The following NRXN1 variants were observed in gnomAD, a reference collection of about 807,000 sequenced individuals.
NRXN1 encodes neurexin 1, also known as neurexin-1.
A neutral mutation model predicts 150.9 loss-of-function variants in NRXN1; 39 were observed. The ratio of observed to expected loss-of-function variants is 0.26; its 90% CI spans 0.20 to 0.34. NRXN1 has a LOEUF of 0.34. NRXN1 is among the 10% of genes least tolerant of loss of function. NRXN1 has a pLI of 1.00. For synonymous variants in NRXN1, 924 were observed against 757.0 expected, an observed-to-expected ratio of 1.22 and a Z score of -3.62; for missense variants, 1,815 against 1,949.9, an observed-to-expected ratio of 0.93 and a Z score of 1.30.
In NRXN1 at chr2:50,620,118, C is replaced by T. The variant is rs1272454602; in HGVS notation, c.1224G>A (p.Leu408=). ...CAACATAGAAAAAGTCATCAGACCC[C>T]AGCATGGTATAATCTTCTTGCGTGT... is the stretch of plus-strand genomic sequence containing the variant. ...TGYTQEDYTM[L]GSDDFFYVGG... Residue 408 remains leucine (L), a synonymous_variant, in exon 8 of 23, where the codon CTG becomes CTA. Coordinates refer to ENST00000401669, the MANE Select transcript of NRXN1 (RefSeq NM_001330078.2). The T allele has an allele frequency of 1.2e-6, 2 of 1,613,482 alleles. No homozygotes were observed. Among genetic ancestry groups the T allele is most frequent in the East Asian group, 4.5e-5 (2 of 44,802 alleles).
intron 15 of NRXN1, among the ~76,000 whole-genome samples, chr2:50,491,147 G>A (rs2091229748): frequency 6.6e-6 from 1 of 152,106 alleles, no homozygotes; most frequent in Non-Finnish European, 1.5e-5. Context: ...TGTCCTGTGG[G>A]CTGAATGTAC....
At chr2:50,587,976 T>C (rs180759954) in intron 8 of NRXN1, among the ~76,000 whole-genome samples, 389 of 152,298 alleles carry the variant, frequency 2.6e-3, no homozygotes, top group African/African-American at 9.1e-3. Flanking sequence ...TAAGAAATGA[T>C]CTTCTTTGTG....
At chr2:50,693,853 G>A (rs1692415842) in intron 5 of NRXN1, among the ~76,000 whole-genome samples, 1 of 152,282 alleles carries the variant, frequency 6.6e-6, no homozygotes, top group South Asian at 2.1e-4. Flanking sequence ...GTGCAGTGGT[G>A]CAACCGTAGC....
At chr2:50,293,156 CT>C (rs2073143930) in intron 17 of NRXN1, among the ~76,000 whole-genome samples, 4 of 152,266 alleles carry the variant, frequency 2.6e-5, no homozygotes, top group Admixed American at 2.0e-4. Flanking sequence ...CCACTGCCTT[CT>C]TCCATTCCCA....
intron 5 of NRXN1, among the ~76,000 whole-genome samples, 181 bp downstream of exon 5, chr2:50,921,688 G>A (rs370641801): frequency 6.6e-6 from 1 of 151,490 alleles, no homozygotes; most frequent in Non-Finnish European, 1.5e-5. Context: ...AAAGGGTGGG[G>A]GCGAAAATGG....
Position 50,747,998 on chromosome 2 carries a change from T to C in NRXN1, c.833-124383A>G, listed in dbSNP as rs72887599. ...TGCTATGACCAGCAGTCTCTATTTT[T>C]GAGCTGCACCTAGCATGCACCAGAC... On this transcript the variant is annotated intron_variant, in intron 5 of 22. Transcript: ENST00000401669. Among the ~76,000 whole-genome samples, 660 of 152,288 alleles carry C rather than the reference T, an allele frequency of 4.3e-3. 9 individuals carry two copies. Among genetic ancestry groups the C allele is most frequent in the African/African-American group, 0.015 (622 of 41,576 alleles).
chr2:50,834,051 G>T (rs899180779), intron 5 of NRXN1, among the ~76,000 whole-genome samples: 1 of 152,050 alleles, frequency 6.6e-6, no homozygotes, highest in Admixed American at 6.6e-5. Flanking sequence ...AATACTTAAT[G>T]TAAAACTAGT....
At chr2:50,438,383 G>C (rs1276468870) in intron 17 of NRXN1, among the ~76,000 whole-genome samples, 1 of 152,186 alleles carries the variant, frequency 6.6e-6, no homozygotes, top group East Asian at 1.9e-4. Context: ...GTGAATCTTT[G>C]CTTCTAGCCT....
intron 17 of NRXN1, among the ~76,000 whole-genome samples, chr2:50,328,503 G>A (rs1040495938): frequency 2.0e-5 from 3 of 152,064 alleles, no homozygotes; most frequent in African/African-American, 7.2e-5. Context: ...TTGGGAGGCC[G>A]AAGTGGGTGA....
chr2:50,329,692 G>A (rs1306132223), intron 17 of NRXN1, among the ~76,000 whole-genome samples: 1 of 106,648 alleles, frequency 9.4e-6, no homozygotes, highest in African/African-American at 3.6e-5. Context: ...TTTCCCCCCC[G>A]AGACGGAGTC....
At chr2:50,365,458 A>G (rs1045955994) in intron 17 of NRXN1, among the ~76,000 whole-genome samples, 1 of 152,094 alleles carries the variant, frequency 6.6e-6, no homozygotes, top group African/African-American at 2.4e-5. Flanking sequence ...GTTCATTTGT[A>G]AAGGTTTATC....
At chr2:50,405,163 T>C (rs772786944) in intron 17 of NRXN1, among the ~76,000 whole-genome samples, 6 of 152,178 alleles carry the variant, frequency 3.9e-5, no homozygotes, top group Non-Finnish European at 7.4e-5. Context: ...GGATATATGA[T>C]GTTTCTCATG....
chr2:49,949,609 T>C (rs912409222), intron 21 of NRXN1, among the ~76,000 whole-genome samples: 51 of 147,852 alleles, frequency 3.4e-4, no homozygotes, highest in Non-Finnish European at 1.8e-4. Flanking sequence ...CAGTATATGA[T>C]ACCCACAAAT....
chr2:50,023,497 G>C (rs1042226332), intron 21 of NRXN1: 6 of 151,886 alleles, frequency 4.0e-5, no homozygotes, highest in African/African-American at 1.5e-4. Flanking sequence ...GGTGACCTAT[G>C]ACAGCTTTGC....
At chr2:50,027,221 A>G (rs568756895) in intron 21 of NRXN1, among the ~76,000 whole-genome samples, 1 of 151,968 alleles carries the variant, frequency 6.6e-6, no homozygotes, top group South Asian at 2.1e-4. Context: ...CCTTAAGAGT[A>G]AAGCTCAAGT....
rs1003230379 is a variant in NRXN1 at position 50,859,134 on chromosome 2, A to AT, written c.832+62734dup. ...ATAAAGTGAAGAAAAGTAAGGGTAC[A>AT]TTTTTTTTTCCTTTATTTTTTCCCT... On this transcript the variant is annotated intron_variant, in intron 5 of 22. Coordinates refer to ENST00000401669, the MANE Select transcript of NRXN1 (RefSeq NM_001330078.2). 4.7e-3 allele frequency among the ~76,000 whole-genome samples: 706 copies of AT among 151,408 alleles called. 5 individuals carry two copies. Among genetic ancestry groups the AT allele is most frequent in the African/African-American group, 0.016 (646 of 41,290 alleles).
chr2:50,150,462 C>G (rs955374249), intron 18 of NRXN1, among the ~76,000 whole-genome samples: 2 of 151,712 alleles, frequency 1.3e-5, no homozygotes, highest in Non-Finnish European at 2.9e-5. Flanking sequence ...AACCACTTAC[C>G]TACTGATAAG....
chr2:50,131,743 C>T (rs1005837272), intron 18 of NRXN1, among the ~76,000 whole-genome samples: 3 of 152,056 alleles, frequency 2.0e-5, no homozygotes. Flanking sequence ...AGAGAAAATC[C>T]TGCCTGTCAG....
chr2:50,474,653 A>G (rs1033328053), intron 15 of NRXN1, among the ~76,000 whole-genome samples: 1 of 147,378 alleles, frequency 6.8e-6, no homozygotes, highest in East Asian at 2.0e-4. Context: ...TGGGAGCTAT[A>G]GAACAATTTC....
Sources: gnomAD v4.1 joint callset for allele counts (sites outside exome capture counted in the v4.1 genomes callset) on GRCh38, gnomAD v4.1.1 for gene constraint, MANE v1.5 for transcripts, NCBI Gene and HGNC (gene_info 2026-07-23, HGNC 2026-07-21) for gene names.